Variants in CSMD1 observed in about 807,000 individuals in gnomAD.
CSMD1 encodes CUB and sushi domain-containing protein 1.
Under a neutral mutation model 417.5 loss-of-function variants are expected in CSMD1, and 213 were observed. The ratio of observed to expected loss-of-function variants is 0.51; its 90% CI spans 0.46 to 0.57. The LOEUF (loss-of-function observed/expected upper bound fraction) is 0.57, where lower values mean the gene tolerates loss of function less well. Ranked by LOEUF, CSMD1 falls within the 20% of genes least tolerant of loss-of-function variation. The pLI is 0.00. For synonymous variants in CSMD1, 2,862 were observed against 1,736.8 expected (o/e 1.65, Z -16.11); for missense variants, 6,923 against 4,529.7 (o/e 1.53, Z -15.17).
At chr8:4,859,062 A>G (rs1390513229) in intron 1 of CSMD1, among the ~76,000 whole-genome samples, 2 of 152,010 alleles carry the variant, frequency 1.3e-5, no homozygotes, top group African/African-American at 4.8e-5. Flanking sequence ...TGGTACCAAA[A>G]CAGAGATATA....
At chr8:2,947,600 T>G (rs924515020) in intron 68 of CSMD1, among the ~76,000 whole-genome samples, 6 of 152,180 alleles carry the variant, frequency 3.9e-5, no homozygotes, top group African/African-American at 1.4e-4. Flanking sequence ...AGCAAACTGA[T>G]AGTTCAGGTC....
chr8:2,949,485 A>C, intron 67 of CSMD1, 99 bp from the exon 68 acceptor site: 9 of 549,104 alleles, frequency 1.6e-5, no homozygotes, highest in East Asian at 3.3e-5. Flanking sequence ...GTTATATCTC[A>C]TATTTAGATA....
chr8:4,437,763 G>C (rs1405720445), intron 2 of CSMD1, among the ~76,000 whole-genome samples: 1 of 152,100 alleles, frequency 6.6e-6, no homozygotes. Flanking sequence ...GTGGTGTGAA[G>C]ACAGAGATCT....
intron 3 of CSMD1, among the ~76,000 whole-genome samples, chr8:4,150,689 G>C (rs983586647): frequency 6.6e-6 from 1 of 152,142 alleles, no homozygotes; most frequent in Non-Finnish European, 1.5e-5. Context: ...TTAGCATTTG[G>C]TTTAGAACCT....
chr8:3,787,598 T>C (rs773048901), intron 5 of CSMD1, among the ~76,000 whole-genome samples: 2 of 152,200 alleles, frequency 1.3e-5, no homozygotes, highest in African/African-American at 4.8e-5. Flanking sequence ...ATGTAGTTGC[T>C]ACAACAGTTA....
At chr8:4,294,386 C>A (rs115779083) in intron 3 of CSMD1, among the ~76,000 whole-genome samples, 397 of 152,258 alleles carry the variant, frequency 2.6e-3, no homozygotes, top group African/African-American at 8.8e-3. Flanking sequence ...CAAGATGTCA[C>A]CGTTCTTTCT....
At chr8:4,792,768 G>C (rs1049449144) in intron 1 of CSMD1, among the ~76,000 whole-genome samples, 2 of 152,064 alleles carry the variant, frequency 1.3e-5, no homozygotes, top group African/African-American at 2.4e-5. Flanking sequence ...GGGGTGTTTT[G>C]TCACTCAGTA....
intron 3 of CSMD1, among the ~76,000 whole-genome samples, chr8:4,228,800 C>T (rs953323192): frequency 5.3e-5 from 8 of 152,034 alleles, no homozygotes; most frequent in African/African-American, 1.7e-4. Context: ...TCTCCTGCTT[C>T]TGCATCCCAA....
intron 6 of CSMD1, among the ~76,000 whole-genome samples, chr8:3,733,949 G>A (rs1796396519): frequency 6.6e-6 from 1 of 152,014 alleles, no homozygotes; most frequent in Non-Finnish European, 1.5e-5. Flanking sequence ...CATCCACTGG[G>A]GTCCTGAAAC....
Position 3,014,087 on chromosome 8 carries a change from T to A in CSMD1, c.8029+4390A>T, listed in dbSNP as rs879424772. Among the ~76,000 whole-genome samples the A allele has an allele frequency of 3.9e-5, 6 of 152,178 alleles. 1 individual carries two copies. In the East Asian group the frequency reaches 1.2e-3, roughly 29 times the overall value. Reference sequence around the variant, plus strand: ...AGAAAAATTTTACATTAATTTCTATTATATTATTTTGTTTGTCCTATCGTG... The same window carrying A: ...AGAAAAATTTTACATTAATTTCTATAATATTATTTTGTTTGTCCTATCGTG... On this transcript the variant is annotated intron_variant, in intron 52 of 69. Transcript: ENST00000635120.
chr8:4,347,140 C>T (rs978175129), intron 3 of CSMD1, among the ~76,000 whole-genome samples: 6 of 152,142 alleles, frequency 3.9e-5, no homozygotes, highest in African/African-American at 4.8e-5. Context: ...ATGATTTTAG[C>T]ACTTGGTGTG....
chr8:3,479,670 G>C (rs537514192), intron 11 of CSMD1, among the ~76,000 whole-genome samples: 7 of 152,024 alleles, frequency 4.6e-5, no homozygotes, highest in African/African-American at 1.7e-4. Context: ...AATATAAATA[G>C]TACCTAGCAA....
At chr8:3,744,094 C>T (rs1796946262) in intron 6 of CSMD1, among the ~76,000 whole-genome samples, 1 of 152,196 alleles carries the variant, frequency 6.6e-6, no homozygotes, top group African/African-American at 2.4e-5. Flanking sequence ...CCCCAGCATG[C>T]ATCCTTCCCT....
intron 1 of CSMD1, among the ~76,000 whole-genome samples, chr8:4,836,314 C>T (rs1053805583): frequency 6.6e-6 from 1 of 152,276 alleles, no homozygotes; most frequent in African/African-American, 2.4e-5. Flanking sequence ...AATTAACACA[C>T]TTTAGCAGTG....
At chr8:4,061,275 C>T (rs1377959459) in intron 3 of CSMD1, among the ~76,000 whole-genome samples, 3 of 152,154 alleles carry the variant, frequency 2.0e-5, no homozygotes, top group African/African-American at 7.2e-5. Context: ...GGAATATTGA[C>T]TTCACAGAGA....
At position 4,582,431 on chromosome 8, in the gene CSMD1, G is replaced by T. The variant is rs151020656; in HGVS notation, c.302+54911C>A. ...AACAACTTGAGGAGCCAGAATAACGGAGAGAAAGAAAACACAGAGTGGTGA... is the reference window on the plus strand; with the variant it reads ...AACAACTTGAGGAGCCAGAATAACGTAGAGAAAGAAAACACAGAGTGGTGA... On this transcript the variant is annotated intron_variant, in intron 2 of 69. Coordinates refer to ENST00000635120, the MANE Select transcript of CSMD1 (RefSeq NM_033225.6). Among the ~76,000 whole-genome samples, 362 of 152,232 alleles carry T rather than the reference G, an allele frequency of 2.4e-3. 4 individuals carry two copies. Among genetic ancestry groups the T allele is most frequent in the African/African-American group, 8.2e-3 (339 of 41,542 alleles).
At chr8:3,780,506 G>C (rs746422473) in intron 5 of CSMD1, among the ~76,000 whole-genome samples, 3 of 152,120 alleles carry the variant, frequency 2.0e-5, no homozygotes, top group Non-Finnish European at 4.4e-5. Flanking sequence ...ATTCCATCAA[G>C]TCAATTTTTG....
intron 1 of CSMD1, among the ~76,000 whole-genome samples, chr8:4,926,111 A>G (rs900234909): frequency 3.3e-5 from 5 of 152,220 alleles, no homozygotes; most frequent in African/African-American, 1.2e-4. Flanking sequence ...AAAAGAACAT[A>G]TTTTATCAAT....
chr8:3,379,412 G>A (rs1810498811), intron 18 of CSMD1, among the ~76,000 whole-genome samples: 1 of 152,112 alleles, frequency 6.6e-6, no homozygotes, highest in African/African-American at 2.4e-5. Context: ...AATGTCATAT[G>A]GAACCAAAAA....
Sources: allele counts gnomAD v4.1 joint callset (sites outside exome capture counted in the v4.1 genomes callset), GRCh38; gene constraint gnomAD v4.1.1; transcripts MANE v1.5; gene names NCBI Gene and HGNC (gene_info 2026-07-23, HGNC 2026-07-21).